The following MYO18B variants were observed in gnomAD, a reference collection of about 807,000 sequenced individuals.
The protein encoded by MYO18B is unconventional myosin-XVIIIb.
Under a neutral mutation model 273.0 loss-of-function variants are expected in MYO18B, and 204 were observed. The ratio of observed to expected loss-of-function variants is 0.75; its 90% CI spans 0.67 to 0.84. MYO18B has a LOEUF of 0.84. Ranked by LOEUF, MYO18B falls within the 40% of genes least tolerant of loss-of-function variation. MYO18B has a pLI of 0.00. For missense variants in MYO18B, 3,212 were observed against 3,287.6 expected, an observed-to-expected ratio of 0.98 and a Z score of 0.56; for synonymous variants, 1,330 against 1,305.7, an observed-to-expected ratio of 1.02 and a Z score of -0.40.
chr22:25,891,227 G>C, intron 26 of MYO18B, 77 bp from the exon 27 acceptor site: 2 of 1,116,440 alleles, frequency 1.8e-6, no homozygotes, highest in Non-Finnish European at 1.3e-6. Context: ...CCGAGCCTTG[G>C]AAGCACTTCA....
In MYO18B at chr22:25,768,327, A is replaced by G; in HGVS notation, c.411A>G (p.Pro137=). 6.2e-7 allele frequency: 1 copy of G among 1,613,824 alleles called. No homozygotes were observed. Among genetic ancestry groups the G allele is most frequent in the Non-Finnish European group, 8.5e-7 (1 of 1,179,818 alleles). ...AGGAGCTGGGCTCCAGTGCGACACC[A>G]ACCAAAAAGACTGTCCCCTTCAAGA... ...KAQELGSSAT[P]TKKTVPFKRG... Residue 137 remains proline (P), a synonymous_variant, in exon 4 of 44, where the codon CCA becomes CCG. Transcript: ENST00000335473.
intron 12 of MYO18B, among the ~76,000 whole-genome samples, chr22:25,813,031 C>T (rs772783338): frequency 6.6e-5 from 10 of 151,138 alleles, no homozygotes; most frequent in Non-Finnish European, 1.5e-4. Flanking sequence ...TCCTTTCCTT[C>T]TTTCTCATCT....
intron 25 of MYO18B, among the ~76,000 whole-genome samples, chr22:25,879,337 G>T (rs1046251330): frequency 1.3e-4 from 19 of 151,922 alleles, no homozygotes; most frequent in Non-Finnish European, 2.5e-4. Flanking sequence ...TGCATGTATT[G>T]CTCTTGCAAA....
chr22:25,908,240 A>G, intron 31 of MYO18B, 82 bp from the exon 32 acceptor site: 1 of 1,091,344 alleles, frequency 9.2e-7, no homozygotes. Flanking sequence ...TGAGAAATGC[A>G]ATTGGAATGC....
chr22:25,854,851 C>T (rs976510627), intron 21 of MYO18B, among the ~76,000 whole-genome samples: 7 of 152,174 alleles, frequency 4.6e-5, no homozygotes, highest in Non-Finnish European at 7.4e-5. Flanking sequence ...GAATTTCCTT[C>T]CTGAGGCTGA....
chr22:25,985,381 G>T (rs1308318445), intron 39 of MYO18B, among the ~76,000 whole-genome samples: 1 of 150,958 alleles, frequency 6.6e-6, no homozygotes, highest in Non-Finnish European at 1.5e-5. Flanking sequence ...ACAAAACAAA[G>T]AAAAAGAAAA....
At chr22:25,759,173 A>C (rs924226730) in intron 1 of MYO18B, among the ~76,000 whole-genome samples, 1 of 152,190 alleles carries the variant, frequency 6.6e-6, no homozygotes. Flanking sequence ...CCCCAATATA[A>C]CTTTAAAAAC....
chr22:25,950,344 CA>C (rs1202100446), intron 36 of MYO18B, 22 bp from the exon 37 acceptor site: 3 of 1,369,514 alleles, frequency 2.2e-6, no homozygotes, highest in Non-Finnish European at 2.9e-6. Flanking sequence ...GATATATATA[CA>C]TTTTTTTTTT....
At chr22:25,958,546 A>T (rs542492130) in intron 39 of MYO18B, among the ~76,000 whole-genome samples, 2 of 152,276 alleles carry the variant, frequency 1.3e-5, no homozygotes, top group African/African-American at 4.8e-5. Context: ...TCACTCATTT[A>T]TTCATTCAAC....
chr22:26,022,040 T>C (rs1275600803), intron 42 of MYO18B, among the ~76,000 whole-genome samples: 1 of 152,018 alleles, frequency 6.6e-6, no homozygotes, highest in African/African-American at 2.4e-5. Flanking sequence ...GACTACAGGG[T>C]GGGCAGAAGA....
At chr22:25,769,824 C>T (rs1333127236) in intron 4 of MYO18B, among the ~76,000 whole-genome samples, 1 of 151,766 alleles carries the variant, frequency 6.6e-6, no homozygotes, top group Non-Finnish European at 1.5e-5. Flanking sequence ...TTTCAAAGGC[C>T]AGGAGTGGGG....
chr22:25,861,481 TTA>T (rs2090735909), intron 21 of MYO18B, among the ~76,000 whole-genome samples: 2 of 152,338 alleles, frequency 1.3e-5, no homozygotes, highest in African/African-American at 4.8e-5. Context: ...TCCAGCTATC[TTA>T]TGTTTAGTGT....
intron 1 of MYO18B, among the ~76,000 whole-genome samples, chr22:25,755,268 T>A (rs2086076862): frequency 1.3e-5 from 2 of 152,094 alleles, no homozygotes; most frequent in Admixed American, 6.5e-5. Context: ...GTGCAATGGC[T>A]CGATCTCGGC....
chr22:25,998,318 A>G (rs1933557223), intron 40 of MYO18B, among the ~76,000 whole-genome samples: 1 of 152,188 alleles, frequency 6.6e-6, no homozygotes, highest in Non-Finnish European at 1.5e-5. Context: ...AGCCCTGTCT[A>G]TTCATGGCCC....
chr22:25,839,493 C>T (rs1204847322), intron 17 of MYO18B, among the ~76,000 whole-genome samples: 1 of 152,174 alleles, frequency 6.6e-6, no homozygotes, highest in East Asian at 1.9e-4. Flanking sequence ...GTGGCAGAAA[C>T]TGCTAGTTGT....
chr22:26,006,071 C>G (rs933384897), intron 42 of MYO18B, among the ~76,000 whole-genome samples: 17 of 152,180 alleles, frequency 1.1e-4, no homozygotes, highest in Admixed American at 8.5e-4. Context: ...AAACTAAATA[C>G]CTTTGCGTTA....
chr22:25,825,610 C>T (rs1196724779), intron 13 of MYO18B, among the ~76,000 whole-genome samples: 2 of 152,142 alleles, frequency 1.3e-5, no homozygotes. Context: ...TTCCTCCTAA[C>T]GTTCTAGGTA....
intron 1 of MYO18B, among the ~76,000 whole-genome samples, chr22:25,759,784 G>A (rs1284509604): frequency 6.6e-6 from 1 of 152,118 alleles, no homozygotes; most frequent in East Asian, 1.9e-4. Context: ...CTCTTTTTTT[G>A]ATGGTTTCAT....
chr22:26,054,539 A>G, the MYO18B span, among the ~76,000 whole-genome samples: 1 of 152,218 alleles, frequency 6.6e-6, no homozygotes, highest in South Asian at 2.1e-4. Context: ...TCAAATTTGT[A>G]GGCAACTTCC....
Sources: allele counts gnomAD v4.1 joint callset (sites outside exome capture counted in the v4.1 genomes callset), GRCh38; gene constraint gnomAD v4.1.1; transcripts MANE v1.5; gene names NCBI Gene and HGNC (gene_info 2026-07-23, HGNC 2026-07-21).